KATNAL2: variants seen among roughly 807,000 people sequenced by gnomAD.
The protein encoded by KATNAL2 is katanin p60 ATPase-containing subunit A-like 2.
A neutral mutation model predicts 76.3 loss-of-function variants in KATNAL2; 52 were observed. The observed-to-expected ratio is 0.68, with a 90% CI of 0.55 to 0.86. KATNAL2 has a LOEUF of 0.86. Ranked by LOEUF, KATNAL2 falls within the 40% of genes least tolerant of loss-of-function variation. The pLI is 0.00. For missense variants in KATNAL2, 660 were observed against 668.9 expected (o/e 0.99, Z 0.15); for synonymous variants, 243 against 244.2 (o/e 1.00, Z 0.05).
intron 3 of KATNAL2, among the ~76,000 whole-genome samples, chr18:47,042,653 G>A (rs1033042787): frequency 2.0e-5 from 3 of 152,004 alleles, no homozygotes; most frequent in Admixed American, 1.3e-4. Context: ...AAAAAATAAG[G>A]CCAAGGAAAT....
intron 3 of KATNAL2, among the ~76,000 whole-genome samples, chr18:46,949,539 G>C (rs1408530086): frequency 6.6e-6 from 1 of 152,212 alleles, no homozygotes; most frequent in African/African-American, 2.4e-5. Flanking sequence ...GAGCCTTCGT[G>C]TCTGGCTTAA....
intron 15 of KATNAL2, chr18:47,098,524 C>T (rs1248385161): frequency 1.3e-5 from 2 of 157,716 alleles, no homozygotes; most frequent in African/African-American, 2.4e-5. Context: ...CCTCCCACAA[C>T]ACGTGGGAAT....
chr18:47,033,872 G>T, intron 3 of KATNAL2: 1 of 1,613,964 alleles, frequency 6.2e-7, no homozygotes, highest in Non-Finnish European at 8.5e-7. Context: ...GCCTCTGAGA[G>T]GTCCCAGAGC....
At chr18:47,057,091 GTGT>G (rs1478812891) in intron 6 of KATNAL2, among the ~76,000 whole-genome samples, 1 of 152,180 alleles carries the variant, frequency 6.6e-6, no homozygotes, top group African/African-American at 2.4e-5. Flanking sequence ...GACATTGGTG[GTGT>G]TATCGACATG....
intron 15 of KATNAL2, among the ~76,000 whole-genome samples, chr18:47,081,173 T>G (rs954662837): frequency 3.3e-5 from 5 of 152,098 alleles, no homozygotes; most frequent in Non-Finnish European, 4.4e-5. Context: ...TATTCCTTTT[T>G]TTTCTCTACC....
chr18:47,086,868 C>A (rs1009612760), intron 15 of KATNAL2, among the ~76,000 whole-genome samples: 1 of 152,202 alleles, frequency 6.6e-6, no homozygotes, highest in Non-Finnish European at 1.5e-5. Context: ...TTCGTTCACA[C>A]CTTACTGTTT....
At chr18:47,100,109 T>G in intron 16 of KATNAL2, 145 bp from the exon 17 acceptor site, 1 of 604,196 alleles carries the variant, frequency 1.7e-6, no homozygotes, top group Admixed American at 2.9e-5. Context: ...TCAAGCACTG[T>G]TTATCTGGGA....
rs752305217 is a variant in KATNAL2 at position 47,033,103 on chromosome 18, G to C, written c.52-13354G>C. ...TTTCCGGGTTTTGGCCGCGGGCGCC[G>C]CGTGCTCATTGCTGCTGCTCAGGCA... On this transcript the variant is annotated intron_variant, in intron 3 of 17. Transcript: ENST00000683218. The C allele has an allele frequency of 8.7e-6, 14 of 1,613,982 alleles. No homozygotes were observed. In the Admixed American group the frequency reaches 2.2e-4, roughly 25 times the overall value.
rs372339333 is a variant in KATNAL2, at chr18:46,925,921, G to A, written c.-510+7995G>A. 1.6e-4 allele frequency among the ~76,000 whole-genome samples: 24 copies of A among 151,906 alleles called. No homozygotes were observed. The South Asian group carries it at 2.9e-3, about 18-fold the overall frequency. Reference sequence around the variant, plus strand: ...TGGTAGTTTGTATTTCTGTGGGATCGGTGGTGATATCCCCTTTATCATTTT... The same window carrying A: ...TGGTAGTTTGTATTTCTGTGGGATCAGTGGTGATATCCCCTTTATCATTTT... On this transcript the variant is annotated intron_variant, in intron 1 of 17. Transcript: ENST00000683218.
chr18:46,940,442 CTT>C (rs2059214698), intron 1 of KATNAL2, among the ~76,000 whole-genome samples: 1 of 152,222 alleles, frequency 6.6e-6, no homozygotes, highest in South Asian at 2.1e-4. Context: ...CTCTCTCTCT[CTT>C]TGACAGAGTT....
At chr18:47,035,316 T>C (rs766925346) in intron 3 of KATNAL2, 2 of 1,610,074 alleles carry the variant, frequency 1.2e-6, no homozygotes, top group East Asian at 2.2e-5. Context: ...GCTCTGTCTT[T>C]GGGGCTGCGG....
At chr18:47,063,486 G>A (rs769097311) in intron 10 of KATNAL2, 125 bp downstream of exon 10, 48 of 653,884 alleles carry the variant, frequency 7.3e-5, no homozygotes, top group African/African-American at 6.7e-4. Context: ...CCCCACTTGC[G>A]CAGGCACTCA....
At position 47,025,361 on chromosome 18, in the gene KATNAL2, C is replaced by G. The variant is rs79987359; in HGVS notation, c.52-21096C>G. Among the ~76,000 whole-genome samples, 28 of 132,766 alleles carry G rather than the reference C, an allele frequency of 2.1e-4. 1 individual carries two copies. The highest frequency in any genetic ancestry group is 8.1e-4 in the East Asian group (3 of 3,694). 87.1% of individuals were successfully genotyped at this position (132,766 alleles called of 152,430 possible). The stretch of plus-strand genomic sequence containing the variant: ...ATATTGGTGCCACGGTTTGGGCAGC[C>G]GAGTTCCACTCTCACCTTTCAGTCC... On this transcript the variant is annotated intron_variant, in intron 3 of 17. Coordinates refer to ENST00000683218, the MANE Select transcript of KATNAL2 (RefSeq NM_001387690.1).
At chr18:47,095,615 A>C in intron 15 of KATNAL2, among the ~76,000 whole-genome samples, 1 of 152,248 alleles carries the variant, frequency 6.6e-6, no homozygotes, top group East Asian at 1.9e-4. Context: ...GAATGGACTA[A>C]TACAGTGTTT....
Position 46,917,664 on chromosome 18 carries a change from C to T in KATNAL2, c.-772C>T, listed in dbSNP as rs1599226011. Reference sequence around the variant, plus strand: ...GGCGTGCTGCCCCGCGGCTTGGCCCCGCTCGGCCCCAGGTCGTGCCTTCCC... The same window carrying T: ...GGCGTGCTGCCCCGCGGCTTGGCCCTGCTCGGCCCCAGGTCGTGCCTTCCC... On this transcript the variant is annotated 5_prime_UTR_variant, in exon 1 of 18. Coordinates refer to ENST00000683218, the MANE Select transcript of KATNAL2 (RefSeq NM_001387690.1). The T allele has an allele frequency of 4.6e-6, 3 of 648,312 alleles. No individual in the cohort carries two copies. In the East Asian group the frequency reaches 4.0e-4, roughly 86 times the overall value. The allele number at this position is 648,312 out of a possible 1,614,324, so 40.2% of individuals were successfully genotyped here. A position where few individuals can be genotyped will look rare whatever the true frequency, so the allele number is the denominator to read the frequency against.
chr18:47,084,063 T>C (rs1002171347), intron 15 of KATNAL2, among the ~76,000 whole-genome samples: 4 of 152,212 alleles, frequency 2.6e-5, no homozygotes, highest in Admixed American at 1.3e-4. Context: ...TGGAATAAAA[T>C]GGTTCTGATT....
intron 3 of KATNAL2, chr18:47,032,695 C>T (rs976599811): frequency 4.6e-6 from 2 of 431,542 alleles, no homozygotes; most frequent in Non-Finnish European, 8.1e-6. Flanking sequence ...GGAAATCTCA[C>T]ATCTTTTTCC....
At chr18:47,077,943 A>G (rs1057470841) in intron 15 of KATNAL2, among the ~76,000 whole-genome samples, 25 of 152,350 alleles carry the variant, frequency 1.6e-4, no homozygotes, top group African/African-American at 6.0e-4. Context: ...TTATTTAAAC[A>G]GTGTCCCAGA....
At chr18:47,057,011 A>G (rs1429643520) in intron 6 of KATNAL2, among the ~76,000 whole-genome samples, 1 of 152,024 alleles carries the variant, frequency 6.6e-6, no homozygotes, top group African/African-American at 2.4e-5. Context: ...AAACCCCAAG[A>G]ACTGTTAGTG....
Sources: gnomAD v4.1 joint callset for allele counts (sites outside exome capture counted in the v4.1 genomes callset) on GRCh38, gnomAD v4.1.1 for gene constraint, MANE v1.5 for transcripts, NCBI Gene and HGNC (gene_info 2026-07-23, HGNC 2026-07-21) for gene names.